C12orf42: variants seen among roughly 807,000 people sequenced by gnomAD.
C12orf42 encodes uncharacterized protein C12orf42.
A neutral mutation model predicts 21.6 loss-of-function variants in C12orf42; 25 were observed. The ratio of observed to expected loss-of-function variants is 1.16; its 90% CI spans 0.84 to 1.62. C12orf42 has a LOEUF of 1.62. C12orf42 is among the 40% of genes most tolerant of loss of function. C12orf42 has a pLI of 0.00. For synonymous variants in C12orf42, 174 were observed against 175.0 expected, an observed-to-expected ratio of 0.99 and a Z score of 0.05; for missense variants, 483 against 459.3, an observed-to-expected ratio of 1.05 and a Z score of -0.47.
At chr12:103,299,895 C>T (rs1196689673), downstream of C12orf42, among the ~76,000 whole-genome samples, 1 of 152,206 alleles carries the variant, frequency 6.6e-6, no homozygotes, top group Admixed American at 6.5e-5. Context: ...CACTAAAGAG[C>T]ATGATCAGGG....
At chr12:103,189,793 C>T in the C12orf42 span, among the ~76,000 whole-genome samples, 1 of 152,186 alleles carries the variant, frequency 6.6e-6, no homozygotes, top group South Asian at 2.1e-4. Flanking sequence ...GACCTGCCTG[C>T]CTATGGACTT....
chr12:103,100,206 T>C, the C12orf42 span, among the ~76,000 whole-genome samples: 2 of 152,236 alleles, frequency 1.3e-5, no homozygotes, highest in Non-Finnish European at 2.9e-5. Flanking sequence ...CCCACAGGAC[T>C]GGCCCAAACT....
intron 2 of C12orf42, among the ~76,000 whole-genome samples, chr12:103,411,378 T>C (rs1315292668): frequency 1.3e-5 from 2 of 152,232 alleles, no homozygotes; most frequent in Non-Finnish European, 2.9e-5. Flanking sequence ...TCTACTTTTT[T>C]TCATTTGATA....
chr12:103,108,333 T>C, the C12orf42 span, among the ~76,000 whole-genome samples: 1 of 151,924 alleles, frequency 6.6e-6, no homozygotes, highest in Non-Finnish European at 1.5e-5. Context: ...TACCTCTTCA[T>C]AGCAAAAGTA....
At chr12:103,551,646 A>G in the C12orf42 span, among the ~76,000 whole-genome samples, 2 of 152,116 alleles carry the variant, frequency 1.3e-5, no homozygotes, top group African/African-American at 4.8e-5. Flanking sequence ...GCAAAACCCC[A>G]TATCTACTAA....
At chr12:103,424,969 A>C (rs907039353) in intron 2 of C12orf42, among the ~76,000 whole-genome samples, 1 of 152,108 alleles carries the variant, frequency 6.6e-6, no homozygotes, top group Non-Finnish European at 1.5e-5. Flanking sequence ...CAGCAGTCTG[A>C]AGTTGACCTG....
At chr12:103,187,130 G>A in the C12orf42 span, among the ~76,000 whole-genome samples, 48 of 152,154 alleles carry the variant, frequency 3.2e-4, no homozygotes, top group African/African-American at 1.1e-3. Context: ...TGGAGGGAGG[G>A]AACTCAAAAT....
intron 1 of C12orf42, among the ~76,000 whole-genome samples, chr12:103,480,232 T>C (rs1015405080): frequency 6.6e-6 from 1 of 151,888 alleles, no homozygotes; most frequent in South Asian, 2.1e-4. Context: ...TTAAAACATA[T>C]GTAATACACA....
intron 2 of C12orf42, among the ~76,000 whole-genome samples, chr12:103,403,950 G>A (rs2048233266): frequency 6.6e-6 from 1 of 152,166 alleles, no homozygotes; most frequent in Admixed American, 6.5e-5. Flanking sequence ...GCACAACAGG[G>A]TGGCATCATT....
At chr12:103,399,012 T>C (rs1194368190) in intron 3 of C12orf42, among the ~76,000 whole-genome samples, 1 of 152,160 alleles carries the variant, frequency 6.6e-6, no homozygotes, top group Non-Finnish European at 1.5e-5. Context: ...CTCATTCATA[T>C]GCATACTATC....
chr12:103,514,236 T>TA, the C12orf42 span, among the ~76,000 whole-genome samples: 3 of 152,188 alleles, frequency 2.0e-5, no homozygotes, highest in Non-Finnish European at 4.4e-5. Context: ...TAATTATCTC[T>TA]ACCTGGTCCT....
chr12:103,167,622 T>C, the C12orf42 span, among the ~76,000 whole-genome samples: 1 of 152,196 alleles, frequency 6.6e-6, no homozygotes, highest in South Asian at 2.1e-4. Flanking sequence ...CATTCACTAT[T>C]GGCCAAAATC....
intron 1 of C12orf42, among the ~76,000 whole-genome samples, chr12:103,485,526 G>C (rs1354052407): frequency 6.6e-6 from 1 of 152,184 alleles, no homozygotes; most frequent in East Asian, 1.9e-4. Context: ...CTGGTAGCTT[G>C]ATGGGGATAG....
the C12orf42 span, among the ~76,000 whole-genome samples, chr12:103,082,478 C>A: frequency 6.6e-6 from 1 of 152,174 alleles, no homozygotes; most frequent in Admixed American, 6.5e-5. Flanking sequence ...TTTCTTCTAT[C>A]ATTTTAATTG....
chr12:103,378,822 G>A (rs2045923044), intron 3 of C12orf42: 1 of 152,130 alleles, frequency 6.6e-6, no homozygotes, highest in South Asian at 2.1e-4. Flanking sequence ...AGTAACAATT[G>A]TTGCTGTGAA....
intron 1 of C12orf42, among the ~76,000 whole-genome samples, chr12:103,479,140 T>C (rs1259945584): frequency 6.6e-6 from 1 of 152,130 alleles, no homozygotes; most frequent in African/African-American, 2.4e-5. Flanking sequence ...ATTCTAGGTA[T>C]AGAAAGGGAA....
intron 2 of C12orf42, among the ~76,000 whole-genome samples, chr12:103,416,588 T>A (rs1253733059): frequency 6.6e-6 from 1 of 151,848 alleles, no homozygotes; most frequent in Non-Finnish European, 1.5e-5. Flanking sequence ...ATTGTGTTTA[T>A]TCACATACAT....
chr12:103,292,705 G>A (rs2136375552), intron 4 of C12orf42, among the ~76,000 whole-genome samples: 1 of 152,082 alleles, frequency 6.6e-6, no homozygotes, highest in South Asian at 2.1e-4. Flanking sequence ...TAGGTATACT[G>A]ACTAATAATA....
chr12:103,210,442 A>G, the C12orf42 span, among the ~76,000 whole-genome samples: 3 of 152,066 alleles, frequency 2.0e-5, no homozygotes, highest in Admixed American at 6.5e-5. Context: ...TACATTTTCT[A>G]CCACTTGCCT....
Sources: gnomAD v4.1 joint callset for allele counts (sites outside exome capture counted in the v4.1 genomes callset) on GRCh38, gnomAD v4.1.1 for gene constraint, MANE v1.5 for transcripts, NCBI Gene and HGNC (gene_info 2026-07-23, HGNC 2026-07-21) for gene names.